The following MAP7 variants were observed in gnomAD, a reference collection of about 807,000 sequenced individuals.
MAP7 encodes ensconsin.
MAP7 carries 52 observed loss-of-function variants against 94.8 expected under a neutral mutation model. That is an observed-to-expected ratio of 0.55 (90% CI 0.44 to 0.69). MAP7 has a LOEUF of 0.69. Ranked by LOEUF, MAP7 falls within the 30% of genes least tolerant of loss-of-function variation. MAP7 has a pLI of 0.00. For missense variants in MAP7, 940 were observed against 964.6 expected, an observed-to-expected ratio of 0.97 and a Z score of 0.34; for synonymous variants, 350 against 357.0, an observed-to-expected ratio of 0.98 and a Z score of 0.22.
intron 1 of MAP7, among the ~76,000 whole-genome samples, chr6:136,426,734 C>T (rs1793277398): frequency 6.6e-6 from 1 of 152,146 alleles, no homozygotes. Flanking sequence ...GGAAGGGAGG[C>T]AGTTGAAAAT....
At chr6:136,490,089 A>G (rs1816099873) in intron 1 of MAP7, among the ~76,000 whole-genome samples, 1 of 152,228 alleles carries the variant, frequency 6.6e-6, no homozygotes, top group Admixed American at 6.5e-5. Context: ...TGCTCTAGCC[A>G]TTAAGCCTTC....
At chr6:136,382,280 C>T (rs988188426) in intron 6 of MAP7, among the ~76,000 whole-genome samples, 2 of 152,112 alleles carry the variant, frequency 1.3e-5, no homozygotes, top group African/African-American at 4.8e-5. Context: ...CCCACCCTTA[C>T]CCTAATTTCA....
At chr6:136,393,511 T>C (rs965675530) in intron 3 of MAP7, among the ~76,000 whole-genome samples, 1 of 152,194 alleles carries the variant, frequency 6.6e-6, no homozygotes, top group Non-Finnish European at 1.5e-5. Context: ...AAGTGACCCA[T>C]GGATGGCATT....
At chr6:136,439,050 T>C (rs1230531101) in intron 1 of MAP7, among the ~76,000 whole-genome samples, 1 of 152,218 alleles carries the variant, frequency 6.6e-6, no homozygotes, top group Non-Finnish European at 1.5e-5. Context: ...TCATTTTATG[T>C]TCAACTGCAC....
intron 1 of MAP7, chr6:136,526,436 A>T (rs1379857233): frequency 1.0e-6 from 1 of 987,338 alleles, no homozygotes; most frequent in Non-Finnish European, 1.2e-6. Flanking sequence ...ACACAGTAAA[A>T]TATTCAGCCC....
At chr6:136,378,532 T>C (rs999117447) in intron 6 of MAP7, among the ~76,000 whole-genome samples, 9 of 152,116 alleles carry the variant, frequency 5.9e-5, no homozygotes, top group Non-Finnish European at 8.8e-5. Flanking sequence ...ATATAAAAAA[T>C]TTGGCCAAGG....
chr6:136,398,580 T>C (rs1415022421), intron 3 of MAP7, among the ~76,000 whole-genome samples: 2 of 152,172 alleles, frequency 1.3e-5, no homozygotes, highest in African/African-American at 2.4e-5. Context: ...CATATTGTTT[T>C]TGTGGTAGTG....
chr6:136,369,955 A>G (rs1008464068), intron 8 of MAP7, among the ~76,000 whole-genome samples: 2 of 152,220 alleles, frequency 1.3e-5, no homozygotes, highest in South Asian at 2.1e-4. Context: ...AAACACTTCT[A>G]TATATCAAAG....
intron 1 of MAP7, among the ~76,000 whole-genome samples, chr6:136,537,985 T>C (rs1195332061): frequency 2.6e-5 from 4 of 152,182 alleles, no homozygotes; most frequent in African/African-American, 7.2e-5. Flanking sequence ...TTTCTCCACA[T>C]TGGTGAGGCT....
chr6:136,518,309 G>A (rs1450533095), intron 1 of MAP7, among the ~76,000 whole-genome samples: 1 of 152,078 alleles, frequency 6.6e-6, no homozygotes, highest in Non-Finnish European at 1.5e-5. Flanking sequence ...ACCTGGGATT[G>A]TAAATTCTTT....
intron 1 of MAP7, among the ~76,000 whole-genome samples, chr6:136,448,820 C>A (rs779268974): frequency 2.6e-5 from 4 of 152,042 alleles, no homozygotes; most frequent in Non-Finnish European, 2.9e-5. Flanking sequence ...GTAAAGCAAT[C>A]TTTTCTATCA....
At chr6:136,548,079 C>T (rs1047451206) in intron 1 of MAP7, among the ~76,000 whole-genome samples, 8 of 150,158 alleles carry the variant, frequency 5.3e-5, no homozygotes, top group Admixed American at 2.7e-4. Flanking sequence ...TCTCTGTCCA[C>T]GGCCACCCAC....
intron 15 of MAP7, among the ~76,000 whole-genome samples, chr6:136,359,457 G>C (rs1791899247): frequency 6.6e-6 from 1 of 152,094 alleles, no homozygotes; most frequent in Non-Finnish European, 1.5e-5. Context: ...CACTACTTGA[G>C]CAGACAGTAT....
At chr6:136,405,323 G>GA (rs1785264408) in intron 3 of MAP7, among the ~76,000 whole-genome samples, 1 of 152,208 alleles carries the variant, frequency 6.6e-6, no homozygotes, top group African/African-American at 2.4e-5. Context: ...GAGCTAGGGA[G>GA]AAAAATAAAG....
intron 3 of MAP7, among the ~76,000 whole-genome samples, chr6:136,404,942 A>G (rs1247511122): frequency 6.6e-6 from 1 of 152,236 alleles, no homozygotes; most frequent in Non-Finnish European, 1.5e-5. Flanking sequence ...GATTATCCAT[A>G]GATAATAGGA....
chr6:136,426,709 A>C (rs929181066), intron 1 of MAP7, among the ~76,000 whole-genome samples: 2 of 152,242 alleles, frequency 1.3e-5, no homozygotes, highest in African/African-American at 2.4e-5. Context: ...CTGTCTGGTC[A>C]GAACAGCAGG....
intron 1 of MAP7, among the ~76,000 whole-genome samples, chr6:136,476,939 G>A (rs1163263445): frequency 6.6e-6 from 1 of 152,116 alleles, no homozygotes; most frequent in African/African-American, 2.4e-5. Context: ...AAATGTGGAA[G>A]GAATTAATTT....
intron 1 of MAP7, among the ~76,000 whole-genome samples, chr6:136,462,448 T>C (rs959263866): frequency 6.6e-6 from 1 of 152,174 alleles, no homozygotes; most frequent in African/African-American, 2.4e-5. Flanking sequence ...ACACAGCAGA[T>C]TTTATGTTTA....
chr6:136,542,786 A>G (rs550031320), intron 1 of MAP7, among the ~76,000 whole-genome samples: 4 of 152,192 alleles, frequency 2.6e-5, no homozygotes, highest in Non-Finnish European at 5.9e-5. Flanking sequence ...AGTCAAATAT[A>G]AATTCCGTAT....
Sources: gnomAD v4.1 joint callset for allele counts (sites outside exome capture counted in the v4.1 genomes callset) on GRCh38, gnomAD v4.1.1 for gene constraint, MANE v1.5 for transcripts, NCBI Gene and HGNC (gene_info 2026-07-23, HGNC 2026-07-21) for gene names.